Variants in ROBO1 observed in about 807,000 individuals in gnomAD.
ROBO1 encodes roundabout guidance receptor 1.
Under a neutral mutation model 195.9 loss-of-function variants are expected in ROBO1, and 149 were observed. That is an observed-to-expected ratio of 0.76 (90% CI 0.67 to 0.87). The LOEUF (loss-of-function observed/expected upper bound fraction) is 0.87. ROBO1 is among the 40% of genes least tolerant of loss of function. ROBO1 has a pLI of 0.00. For missense variants in ROBO1, 1,933 were observed against 2,068.3 expected (o/e 0.93, Z 1.27); for synonymous variants, 816 against 733.2 (o/e 1.11, Z -1.82).
intron 8 of ROBO1, among the ~76,000 whole-genome samples, chr3:78,711,538 T>G (rs1362006803): frequency 6.6e-6 from 1 of 150,448 alleles, no homozygotes; most frequent in African/African-American, 2.5e-5. Flanking sequence ...CAAGCTAGAA[T>G]GCAATGGTGC....
At chr3:78,901,846 T>A (rs2037610299) in intron 4 of ROBO1, among the ~76,000 whole-genome samples, 1 of 152,192 alleles carries the variant, frequency 6.6e-6, no homozygotes, top group Admixed American at 6.5e-5. Context: ...AGTGGCTACT[T>A]TTTCCATTGT....
chr3:79,201,580 AC>A (rs1310252138), intron 2 of ROBO1, among the ~76,000 whole-genome samples: 2 of 152,080 alleles, frequency 1.3e-5, no homozygotes, highest in East Asian at 3.9e-4. Flanking sequence ...CAGTATCTCC[AC>A]ATTTGTTCTC....
chr3:79,378,715 G>A (rs886210937), intron 2 of ROBO1, among the ~76,000 whole-genome samples: 2 of 151,884 alleles, frequency 1.3e-5, no homozygotes, highest in Admixed American at 6.6e-5. Context: ...ATATTTTCAC[G>A]CCTTTACACC....
intron 1 of ROBO1, among the ~76,000 whole-genome samples, chr3:79,607,609 T>TC (rs1438176557): frequency 6.6e-6 from 1 of 151,540 alleles, no homozygotes; most frequent in Non-Finnish European, 1.5e-5. Flanking sequence ...CAAGTTTTTT[T>TC]TTTTTCTTAC....
intron 2 of ROBO1, among the ~76,000 whole-genome samples, chr3:79,279,029 C>T (rs947960560): frequency 6.6e-6 from 1 of 152,020 alleles, no homozygotes; most frequent in African/African-American, 2.4e-5. Context: ...AATCCCAGCA[C>T]TTTGGGAGGC....
At chr3:79,152,081 G>C (rs375642204) in intron 2 of ROBO1, among the ~76,000 whole-genome samples, 137 of 151,852 alleles carry the variant, frequency 9.0e-4, no homozygotes, top group Middle Eastern at 3.4e-3. Flanking sequence ...AACAAGGCTT[G>C]TTACCTCATC....
chr3:79,481,416 A>G (rs1938852647), intron 2 of ROBO1, among the ~76,000 whole-genome samples: 1 of 152,192 alleles, frequency 6.6e-6, no homozygotes, highest in South Asian at 2.1e-4. Context: ...CAATGACTTC[A>G]TCTGTAGAGA....
At chr3:78,839,578 AAAAC>A (rs1559910586) in intron 4 of ROBO1, among the ~76,000 whole-genome samples, 1 of 152,126 alleles carries the variant, frequency 6.6e-6, no homozygotes, top group Non-Finnish European at 1.5e-5. Context: ...ATAATTTTCT[AAAAC>A]AAAATCGTTT....
intron 2 of ROBO1, among the ~76,000 whole-genome samples, chr3:79,330,900 T>C (rs73125244): frequency 0.11 from 16,404 of 152,100 alleles, 896 homozygotes; most frequent in Middle Eastern, 0.14. Flanking sequence ...TGAAATAACA[T>C]TGGATTATAT....
Position 79,237,990 on chromosome 3 carries a change from C to A in ROBO1, c.89-112451G>T, listed in dbSNP as rs1288097206. On this transcript the variant is annotated intron_variant, in intron 2 of 30. Transcript: ENST00000464233. ...GCGGTCTTCTGTCACACCTGACCTA[C>A]ATGGATTGTGCCATTTGAGGTCTTG... Among the ~76,000 whole-genome samples the A allele has an allele frequency of 2.0e-5, 3 of 152,290 alleles. No homozygotes were observed. In the East Asian group the frequency reaches 5.8e-4, roughly 29 times the overall value.
chr3:78,717,698 T>C (rs1396734968), intron 6 of ROBO1, 65 bp downstream of exon 6: 34 of 1,556,870 alleles, frequency 2.2e-5, no homozygotes, highest in Non-Finnish European at 2.9e-5. Context: ...TTCCCCCTTG[T>C]ATACAGACAC....
chr3:79,554,683 A>C (rs1274635102), intron 2 of ROBO1, among the ~76,000 whole-genome samples: 1 of 152,142 alleles, frequency 6.6e-6, no homozygotes, highest in Non-Finnish European at 1.5e-5. Flanking sequence ...CCTATTATTC[A>C]TAATGCCAAA....
At chr3:79,415,629 C>A (rs2037970522) in intron 2 of ROBO1, among the ~76,000 whole-genome samples, 1 of 152,082 alleles carries the variant, frequency 6.6e-6, no homozygotes. Flanking sequence ...GAACTTCATT[C>A]TGTGGTTTTA....
At chr3:79,240,079 G>A (rs1039766052) in intron 2 of ROBO1, among the ~76,000 whole-genome samples, 2 of 152,028 alleles carry the variant, frequency 1.3e-5, no homozygotes, top group African/African-American at 4.8e-5. Context: ...TTTTAGCAAT[G>A]TTTAGGTATG....
At chr3:78,752,561 G>A (rs889503362) in intron 4 of ROBO1, among the ~76,000 whole-genome samples, 1 of 152,092 alleles carries the variant, frequency 6.6e-6, no homozygotes, top group Non-Finnish European at 1.5e-5. Flanking sequence ...CCAGAAGAAC[G>A]AAGTGCTGTT....
intron 3 of ROBO1, chr3:79,018,622 G>T: frequency 6.9e-7 from 1 of 1,452,572 alleles, no homozygotes. Context: ...CGACCTTTCC[G>T]GACGCTTGTC....
At chr3:79,079,263 G>A (rs1259224679) in intron 3 of ROBO1, among the ~76,000 whole-genome samples, 1 of 151,692 alleles carries the variant, frequency 6.6e-6, no homozygotes, top group East Asian at 1.9e-4. Flanking sequence ...TATAACTCAT[G>A]GTAATTCTCA....
intron 2 of ROBO1, among the ~76,000 whole-genome samples, chr3:79,158,607 G>C (rs1039580591): frequency 6.6e-6 from 1 of 151,318 alleles, no homozygotes; most frequent in Non-Finnish European, 1.5e-5. Flanking sequence ...AATGTATTTT[G>C]TATTTTGTTG....
At chr3:79,093,592 C>T (rs188948728) in intron 3 of ROBO1, among the ~76,000 whole-genome samples, 1 of 151,982 alleles carries the variant, frequency 6.6e-6, no homozygotes, top group Admixed American at 6.6e-5. Flanking sequence ...ACCCTCAGGA[C>T]AGATACTCCT....
Sources: gnomAD v4.1 joint callset for allele counts (sites outside exome capture counted in the v4.1 genomes callset) on GRCh38, gnomAD v4.1.1 for gene constraint, MANE v1.5 for transcripts, NCBI Gene and HGNC (gene_info 2026-07-23, HGNC 2026-07-21) for gene names.